The following SNIP1 variants were observed in gnomAD, a reference collection of about 807,000 sequenced individuals.
SNIP1 encodes Smad nuclear interacting protein 1, also known as smad nuclear-interacting protein 1.
Under a neutral mutation model 37.4 loss-of-function variants are expected in SNIP1, and 23 were observed. That is an observed-to-expected ratio of 0.61 (90% CI 0.44 to 0.87). SNIP1 has a LOEUF of 0.87. Among genes scored for constraint, SNIP1 ranks in the 40% least tolerant of loss-of-function variants. The pLI is 0.00. For synonymous variants in SNIP1, 174 were observed against 200.0 expected, an observed-to-expected ratio of 0.87 and a Z score of 1.10; for missense variants, 459 against 540.4, an observed-to-expected ratio of 0.85 and a Z score of 1.49.
chr1:37,551,245 G>C lies in SNIP1; in HGVS notation c.327+1400C>G, dbSNP rs1643298658. Among the ~76,000 whole-genome samples, 4 of 151,228 alleles carry C rather than the reference G, an allele frequency of 2.6e-5. No homozygotes were observed. The South Asian group carries it at 8.4e-4, about 32-fold the overall frequency. On this transcript the variant is annotated intron_variant, in intron 2 of 3. Transcript: ENST00000296215. The stretch of plus-strand genomic sequence containing the variant: ...AGATCGTGCCACTGCACTCCAGCCT[G>C]GGTGACAGAGCCAGACTCTGTCTCA...
chr1:37,551,075 AC>A (rs1643295638), intron 2 of SNIP1, among the ~76,000 whole-genome samples: 1 of 9,394 alleles, frequency 1.1e-4, no homozygotes, highest in East Asian at 0.12. Flanking sequence ...AGCCTGGGTG[AC>A]ACACACACAC....
At chr1:37,546,644 A>C (rs1238364326) in intron 2 of SNIP1, among the ~76,000 whole-genome samples, 1 of 152,178 alleles carries the variant, frequency 6.6e-6, no homozygotes, top group Non-Finnish European at 1.5e-5. Context: ...ACTGCACTCC[A>C]GCCTGGGTGA....
At chr1:37,547,544 G>A (rs1173362157) in intron 2 of SNIP1, among the ~76,000 whole-genome samples, 1 of 151,658 alleles carries the variant, frequency 6.6e-6, no homozygotes, top group African/African-American at 2.4e-5. Context: ...GACCAGCCTG[G>A]CCAACATGGT....
rs553998223 is a variant in SNIP1, at chr1:37,535,401, A to C, written c.*2347T>G. 104 of 151,284 alleles carry C rather than the reference A, an allele frequency of 6.9e-4. No individual in the cohort carries two copies. Among genetic ancestry groups the C allele is most frequent in the African/African-American group, 2.2e-3 (90 of 41,052 alleles). 9.4% of individuals were successfully genotyped at this position (151,284 alleles called of 1,614,324 possible). ...AGTGAGACGCCATCTCAAAACAAAC[A>C]AACCAACAAAAAAACCCACCTTCTC... On this transcript the variant is annotated 3_prime_UTR_variant, in exon 4 of 4. Transcript: ENST00000296215.
chr1:37,544,755 C>T (rs949036282), intron 2 of SNIP1: 2 of 691,700 alleles, frequency 2.9e-6, no homozygotes, highest in African/African-American at 3.5e-5. Context: ...GCCACCGTGG[C>T]CACCACCATG....
intron 2 of SNIP1, among the ~76,000 whole-genome samples, chr1:37,546,651 G>A (rs1358422424): frequency 1.3e-5 from 2 of 152,106 alleles, no homozygotes. Flanking sequence ...TCCAGCCTGG[G>A]TGACGGAGTG....
At chr1:37,549,876 T>C (rs193061906) in intron 2 of SNIP1, among the ~76,000 whole-genome samples, 33 of 152,312 alleles carry the variant, frequency 2.2e-4, no homozygotes, top group Non-Finnish European at 3.8e-4. Flanking sequence ...CTGTGTGGTA[T>C]TGGCAGAGTG....
At position 37,540,550 on chromosome 1, in the gene SNIP1, T is replaced by A; in HGVS notation, c.533A>T (p.Glu178Val). ...DTQNLQAQEE[E>V]REFYNARRRE... ...TCGCCTGGCATTATAAAACTCCCGC[T>A]CTTCTTCCTGAGCCTGCAGGTTCTG... Residue 178 changes from glutamate to valine, a missense_variant, in exon 3 of 4, where the codon GAG becomes GTG. Glu to Val is a moderately radical substitution (Grantham distance 121, BLOSUM62 -2). Coordinates refer to ENST00000296215, the MANE Select transcript of SNIP1 (RefSeq NM_024700.4). The surrounding 1 kb of genome is among the most constrained non-coding windows in gnomAD (Gnocchi z 5.6). 1 of 1,614,066 alleles carries A rather than the reference T, an allele frequency of 6.2e-7. No individual in the cohort carries two copies. The highest frequency in any genetic ancestry group is 8.5e-7 in the Non-Finnish European group (1 of 1,180,014).
intron 1 of SNIP1, among the ~76,000 whole-genome samples, chr1:37,553,669 A>G (rs1643328540): frequency 1.3e-5 from 2 of 152,068 alleles, no homozygotes; most frequent in East Asian, 3.9e-4. Flanking sequence ...CGGAAAGACA[A>G]CGCCCACACT....
chr1:37,537,621 G>A lies in SNIP1; in HGVS notation c.*127C>T, dbSNP rs1643114275. The stretch of plus-strand genomic sequence containing the variant: ...ACAATCTGGTCAGCAACAGAGGAAA[G>A]ACTTAAGGCAGTAAGAGGCATTACA... On this transcript the variant is annotated 3_prime_UTR_variant, in exon 4 of 4. Transcript: ENST00000296215. The A allele has an allele frequency of 3.0e-6, 3 of 995,808 alleles. No homozygotes were observed. Among genetic ancestry groups the A allele is most frequent in the Non-Finnish European group, 4.5e-6 (3 of 666,220 alleles). 61.7% of individuals were successfully genotyped at this position (995,808 alleles called of 1,614,324 possible). A position where few individuals can be genotyped will look rare whatever the true frequency, so the allele number is the denominator to read the frequency against.
rs1034008927 is a variant in SNIP1 at position 37,536,440 on chromosome 1, T to G, written c.*1308A>C. The G allele has an allele frequency of 6.6e-6, 1 of 152,222 alleles. No homozygotes were observed. The highest frequency in any genetic ancestry group is 2.4e-5 in the African/African-American group (1 of 41,412). 9.4% of individuals were successfully genotyped at this position (152,222 alleles called of 1,614,324 possible). ...ACAACACTCTAAAACAGCTACCTACTTTTATCTCAAAAGTACTGACAGAAG... is the reference window on the plus strand; with the variant it reads ...ACAACACTCTAAAACAGCTACCTACGTTTATCTCAAAAGTACTGACAGAAG... On this transcript the variant is annotated 3_prime_UTR_variant, in exon 4 of 4. Transcript: ENST00000296215.
chr1:37,552,547 C>A (rs1214545410), intron 2 of SNIP1, 98 bp downstream of exon 2: 32 of 1,001,034 alleles, frequency 3.2e-5, no homozygotes, highest in Non-Finnish European at 4.8e-5. Flanking sequence ...CGTACGTGCA[C>A]ATGTGTGCAC....
At position 37,540,569 on chromosome 1, in the gene SNIP1, G is replaced by A. The variant is rs1278596120; in HGVS notation, c.514C>T (p.Leu172=). 3 of 1,613,978 alleles carry A rather than the reference G, an allele frequency of 1.9e-6. No individual in the cohort carries two copies. The highest frequency in any genetic ancestry group is 1.7e-5 in the Admixed American group (1 of 59,974). Residue 172 remains leucine (L), a synonymous_variant, in exon 3 of 4, where the codon CTG becomes TTG. Transcript: ENST00000296215. The surrounding 1 kb of genome is among the most constrained non-coding windows in gnomAD (Gnocchi z 5.6). ...GQGRDRDTQN[L]QAQEEEREFY... is the part of the protein sequence containing the mutation. Reference sequence around the variant, plus strand: ...TCCCGCTCTTCTTCCTGAGCCTGCAGGTTCTGAGTGTCTCGATCCCGTCCC... The same window carrying A: ...TCCCGCTCTTCTTCCTGAGCCTGCAAGTTCTGAGTGTCTCGATCCCGTCCC...
At chr1:37,545,035 G>C (rs755062858) in intron 2 of SNIP1, 12 of 758,074 alleles carry the variant, frequency 1.6e-5, no homozygotes, top group Non-Finnish European at 2.4e-5. Context: ...ATGACTGGGA[G>C]AGCAGGCTGA....
rs1350859147 is a variant in SNIP1, at chr1:37,538,000, A to G, written c.939T>C (p.Tyr313=). The G allele has an allele frequency of 3.1e-6, 5 of 1,604,978 alleles. No homozygotes were observed. The highest frequency in any genetic ancestry group is 4.3e-6 in the Non-Finnish European group (5 of 1,175,894). The change falls in exon 4 of 4, where the codon TAT becomes TAC. Residue 313 remains tyrosine (Y), a synonymous_variant. Transcript: ENST00000296215. ...GGCCAACTGTGCCATCAGCACGGGT[A>G]TATTCCACAAGCCTAGCAGAAAAAA... The part of the protein sequence containing the change: ...HAVFQYRLVE[Y]TRADGTVGRR...
intron 2 of SNIP1, chr1:37,545,390 A>G (rs941354405): frequency 2.0e-5 from 9 of 460,114 alleles, no homozygotes; most frequent in East Asian, 1.6e-4. Context: ...TACCTTTTCT[A>G]TAAGTTGTAC....
intron 2 of SNIP1, among the ~76,000 whole-genome samples, chr1:37,545,832 T>C (rs1284965965): frequency 6.6e-6 from 1 of 151,846 alleles, no homozygotes; most frequent in Admixed American, 6.6e-5. Flanking sequence ...AATTAAAAAC[T>C]AAAAATTTAG....
At chr1:37,551,223 T>C (rs1643298474) in intron 2 of SNIP1, among the ~76,000 whole-genome samples, 2 of 148,004 alleles carry the variant, frequency 1.4e-5, no homozygotes, top group Admixed American at 1.4e-4. Flanking sequence ...TGAGCCGAGA[T>C]CGTGCCACTG....
chr1:37,545,813 T>A (rs1476948406), intron 2 of SNIP1, among the ~76,000 whole-genome samples: 1 of 151,646 alleles, frequency 6.6e-6, no homozygotes, highest in East Asian at 1.9e-4. Flanking sequence ...AAAATAATAA[T>A]AAAAATAAAA....
Sources: gnomAD v4.1 joint callset for allele counts (sites outside exome capture counted in the v4.1 genomes callset) on GRCh38, gnomAD v4.1.1 for gene constraint, Gnocchi (gnomAD v3.1) non-coding constraint, MANE v1.5 for transcripts, NCBI Gene and HGNC (gene_info 2026-07-23, HGNC 2026-07-21) for gene names.